Variants in BMP7 observed in about 807,000 individuals in gnomAD.
BMP7 encodes the protein bone morphogenetic protein 7.
A neutral mutation model predicts 41.2 loss-of-function variants in BMP7; 12 were observed. That is an observed-to-expected ratio of 0.29 (90% CI 0.19 to 0.47). BMP7 has a LOEUF of 0.47. Among genes scored for constraint, BMP7 ranks in the 20% least tolerant of loss-of-function variants. BMP7 has a pLI of 0.99. For synonymous variants in BMP7, 248 were observed against 250.0 expected (o/e 0.99, Z 0.07); for missense variants, 467 against 606.0 (o/e 0.77, Z 2.41).
intron 1 of BMP7, among the ~76,000 whole-genome samples, chr20:57,260,988 G>A (rs935512717): frequency 5.3e-5 from 8 of 152,194 alleles, no homozygotes; most frequent in African/African-American, 1.9e-4. Flanking sequence ...CTTAGGGCAC[G>A]CTGATTCTTG....
intron 3 of BMP7, among the ~76,000 whole-genome samples, chr20:57,198,135 C>T (rs1312272797): frequency 2.1e-5 from 3 of 144,842 alleles, no homozygotes; most frequent in African/African-American, 7.7e-5. Flanking sequence ...CCCTCCTCTC[C>T]TCTCGCTCTC....
intron 1 of BMP7, among the ~76,000 whole-genome samples, chr20:57,247,556 C>G (rs1288976380): frequency 6.6e-6 from 1 of 152,160 alleles, no homozygotes; most frequent in Non-Finnish European, 1.5e-5. Flanking sequence ...GCACCCAGAC[C>G]CTATCACGTT....
intron 1 of BMP7, chr20:57,243,856 C>T (rs969821094): frequency 2.0e-5 from 3 of 152,296 alleles, no homozygotes; most frequent in African/African-American, 7.2e-5. Context: ...GGTGAGAGAC[C>T]TGCTGACCTG....
intron 3 of BMP7, among the ~76,000 whole-genome samples, chr20:57,201,525 C>T (rs1389466228): frequency 2.6e-5 from 4 of 152,234 alleles, no homozygotes; most frequent in Non-Finnish European, 4.4e-5. Context: ...ACAGAAACAG[C>T]AGTTGTCCCT....
At chr20:57,206,742 C>A (rs1433646047) in intron 2 of BMP7, among the ~76,000 whole-genome samples, 2 of 152,176 alleles carry the variant, frequency 1.3e-5, no homozygotes, top group African/African-American at 4.8e-5. Context: ...AGCCTGGCAG[C>A]AAACTCCAAG....
At chr20:57,201,882 G>T (rs1984629587) in intron 3 of BMP7, among the ~76,000 whole-genome samples, 1 of 152,104 alleles carries the variant, frequency 6.6e-6, no homozygotes, top group Non-Finnish European at 1.5e-5. Context: ...TGTTGGGGAG[G>T]GCAGACTCAC....
At chr20:57,219,806 G>A (rs995961408) in intron 2 of BMP7, among the ~76,000 whole-genome samples, 2 of 152,272 alleles carry the variant, frequency 1.3e-5, no homozygotes, top group Admixed American at 6.5e-5. Context: ...TCTCCCCACT[G>A]CCCGATGCTC....
At chr20:57,254,780 T>A (rs1289687155) in intron 1 of BMP7, among the ~76,000 whole-genome samples, 2 of 152,112 alleles carry the variant, frequency 1.3e-5, no homozygotes, top group Admixed American at 1.3e-4. Context: ...TTTGGGGAGT[T>A]TACAATACTA....
At chr20:57,205,118 C>A (rs1467424900) in intron 2 of BMP7, among the ~76,000 whole-genome samples, 8 of 149,660 alleles carry the variant, frequency 5.3e-5, no homozygotes, top group African/African-American at 2.0e-4. Context: ...GTCTCCAGGA[C>A]TATAAGGAAT....
intron 1 of BMP7, among the ~76,000 whole-genome samples, chr20:57,250,538 CAAAA>C (rs57036984): frequency 5.6e-5 from 5 of 89,544 alleles, no homozygotes; most frequent in Non-Finnish European, 9.8e-5. Context: ...GACTCTGACT[CAAAA>C]AAAAAAAAAA....
intron 4 of BMP7, 37 bp from the exon 5 acceptor site, chr20:57,175,044 G>A (rs376331503): frequency 8.2e-5 from 130 of 1,586,192 alleles, no homozygotes; most frequent in Non-Finnish European, 1.1e-4. Context: ...AGAGCCCAGT[G>A]AGGAGAAAGA....
intron 2 of BMP7, among the ~76,000 whole-genome samples, chr20:57,210,927 G>A (rs1284402257): frequency 6.6e-6 from 1 of 152,228 alleles, no homozygotes; most frequent in Non-Finnish European, 1.5e-5. Flanking sequence ...TTAGACACCA[G>A]TTCTGGGCCA....
At chr20:57,172,843 A>C (rs1600726014) in intron 6 of BMP7, among the ~76,000 whole-genome samples, 1 of 152,096 alleles carries the variant, frequency 6.6e-6, no homozygotes, top group South Asian at 2.1e-4. Flanking sequence ...GAAATTTCTC[A>C]TCTGTTTACC....
chr20:57,263,784 GTA>G (rs2066162633), intron 1 of BMP7, among the ~76,000 whole-genome samples: 1 of 151,268 alleles, frequency 6.6e-6, no homozygotes, highest in African/African-American at 2.5e-5. Flanking sequence ...TTAGTTTTTG[GTA>G]TAGTTAATAA....
chr20:57,225,448 T>C (rs961394904), intron 2 of BMP7, among the ~76,000 whole-genome samples: 1 of 152,194 alleles, frequency 6.6e-6, no homozygotes, highest in African/African-American at 2.4e-5. Context: ...GAGCACTTCC[T>C]GTGTGTAAGA....
intron 1 of BMP7, among the ~76,000 whole-genome samples, chr20:57,237,625 C>A (rs1600638511): frequency 6.6e-6 from 1 of 152,336 alleles, no homozygotes; most frequent in African/African-American, 2.4e-5. Context: ...ACTACTCTAA[C>A]AGGAAAATGT....
intron 2 of BMP7, among the ~76,000 whole-genome samples, chr20:57,220,675 C>T (rs1985168225): frequency 6.6e-6 from 1 of 152,204 alleles, no homozygotes; most frequent in African/African-American, 2.4e-5. Context: ...AAGAACCGAC[C>T]TACCCTTGGG....
At chr20:57,193,900 C>T (rs1424985798) in intron 3 of BMP7, among the ~76,000 whole-genome samples, 2 of 152,210 alleles carry the variant, frequency 1.3e-5, no homozygotes, top group East Asian at 1.9e-4. Flanking sequence ...ACCTTTGCTC[C>T]GATGGTCCAG....
intron 2 of BMP7, among the ~76,000 whole-genome samples, chr20:57,206,057 A>C (rs1354129257): frequency 2.6e-5 from 4 of 152,222 alleles, no homozygotes; most frequent in African/African-American, 9.6e-5. Flanking sequence ...AGCCAGGTCC[A>C]GTCTGACAGC....
Sources: gnomAD v4.1 joint callset for allele counts (sites outside exome capture counted in the v4.1 genomes callset) on GRCh38, gnomAD v4.1.1 for gene constraint, MANE v1.5 for transcripts, NCBI Gene and HGNC (gene_info 2026-07-23, HGNC 2026-07-21) for gene names.